Variants in VWC2L observed in about 807,000 individuals in gnomAD.
The protein encoded by VWC2L is von Willebrand factor C domain-containing protein 2-like.
In VWC2L, 10 loss-of-function variants were observed where a neutral mutation model predicts 21.6. The ratio of observed to expected loss-of-function variants is 0.46; its 90% CI spans 0.29 to 0.78. VWC2L has a LOEUF of 0.78. Among genes scored for constraint, VWC2L ranks in the 30% least tolerant of loss-of-function variants. VWC2L has a pLI of 0.10. For missense variants in VWC2L, 209 were observed against 277.1 expected (o/e 0.75, Z 1.74); for synonymous variants, 96 against 94.3 (o/e 1.02, Z -0.10).
At chr2:214,544,628 C>T (rs544531347) in intron 3 of VWC2L, among the ~76,000 whole-genome samples, 4 of 152,154 alleles carry the variant, frequency 2.6e-5, no homozygotes, top group South Asian at 2.1e-4. Context: ...TGAATAATGG[C>T]GAATGGCACA....
chr2:214,435,101 A>T (rs909609418), intron 2 of VWC2L, among the ~76,000 whole-genome samples: 3 of 152,196 alleles, frequency 2.0e-5, no homozygotes, highest in African/African-American at 7.2e-5. Flanking sequence ...TATCACGATG[A>T]GGTTTGCAAA....
intron 2 of VWC2L, chr2:214,436,330 C>T (rs1702678482): frequency 4.2e-6 from 1 of 239,458 alleles, no homozygotes; most frequent in African/African-American, 2.2e-5. Flanking sequence ...GGAAAACAAA[C>T]CAGGAGATGA....
intron 3 of VWC2L, among the ~76,000 whole-genome samples, chr2:214,573,939 G>A (rs1304060957): frequency 6.6e-5 from 10 of 152,132 alleles, no homozygotes; most frequent in Admixed American, 6.5e-5. Flanking sequence ...TCAGGAATTC[G>A]AGACCAGTCT....
rs372568847 is a variant in VWC2L, at chr2:214,522,260, A to G, written c.521-53412A>G. ...CGTGGTGGCGGGAGCCTGTAGTCCCAGCTACTCCGGAGGGTGACGCAGGAG... is the reference window on the plus strand; with the variant it reads ...CGTGGTGGCGGGAGCCTGTAGTCCCGGCTACTCCGGAGGGTGACGCAGGAG... On this transcript the variant is annotated intron_variant, in intron 3 of 3. Coordinates refer to ENST00000312504, the MANE Select transcript of VWC2L (RefSeq NM_001080500.4). Among the ~76,000 whole-genome samples, 6 of 151,604 alleles carry G rather than the reference A, an allele frequency of 4.0e-5. No homozygotes were observed. In the East Asian group the frequency reaches 7.8e-4, roughly 20 times the overall value.
At chr2:214,560,644 T>C (rs1479310668) in intron 3 of VWC2L, among the ~76,000 whole-genome samples, 1 of 152,216 alleles carries the variant, frequency 6.6e-6, no homozygotes, top group East Asian at 1.9e-4. Flanking sequence ...TGAGTAACAC[T>C]ATTTTTTTAA....
chr2:214,486,793 T>G (rs1237008613), intron 3 of VWC2L, among the ~76,000 whole-genome samples: 2 of 152,226 alleles, frequency 1.3e-5, no homozygotes. Flanking sequence ...TAAGCAGGAC[T>G]CATTTGATAT....
At chr2:214,506,967 T>C (rs1369078913) in intron 3 of VWC2L, among the ~76,000 whole-genome samples, 8 of 35,880 alleles carry the variant, frequency 2.2e-4, no homozygotes, top group African/African-American at 2.9e-4. Flanking sequence ...TTACTGAAAA[T>C]TTTCTAATTT....
At chr2:214,456,533 G>GTTGATTGTA (rs1251405957) in intron 3 of VWC2L, among the ~76,000 whole-genome samples, 2 of 152,008 alleles carry the variant, frequency 1.3e-5, no homozygotes, top group Admixed American at 6.5e-5. Flanking sequence ...TCTTTACTCT[G>GTTGATTGTA]TTGATTGTAT....
At position 214,558,954 on chromosome 2, in the gene VWC2L, C is replaced by A. The variant is rs377319767; in HGVS notation, c.521-16718C>A. On this transcript the variant is annotated intron_variant, in intron 3 of 3. Coordinates refer to ENST00000312504, the MANE Select transcript of VWC2L (RefSeq NM_001080500.4). The stretch of plus-strand genomic sequence containing the variant: ...CTTACATATGTATACATGTGCCATG[C>A]TGGTGCACTGCACCCACTAACTCGT... 2.3e-4 allele frequency among the ~76,000 whole-genome samples: 35 copies of A among 151,816 alleles called. 1 individual carries two copies. The East Asian group carries it at 3.3e-3, about 14-fold the overall frequency.
intron 3 of VWC2L, among the ~76,000 whole-genome samples, chr2:214,508,940 T>C (rs1484026749): frequency 2.0e-5 from 3 of 152,088 alleles, no homozygotes; most frequent in African/African-American, 7.2e-5. Flanking sequence ...CCCTCCTCCT[T>C]TTCTTCCCTC....
chr2:214,466,733 T>G (rs760214925), intron 3 of VWC2L, among the ~76,000 whole-genome samples: 12 of 152,232 alleles, frequency 7.9e-5, no homozygotes, highest in Non-Finnish European at 1.6e-4. Context: ...ACATCTAGTG[T>G]AGTCACACTT....
intron 3 of VWC2L, among the ~76,000 whole-genome samples, chr2:214,503,667 A>G (rs765095022): frequency 2.6e-5 from 4 of 152,036 alleles, no homozygotes; most frequent in Non-Finnish European, 5.9e-5. Context: ...TTTGCTGAGC[A>G]ATTTAGGTAA....
At chr2:214,564,470 T>C (rs1056755182) in intron 3 of VWC2L, among the ~76,000 whole-genome samples, 33 of 76,404 alleles carry the variant, frequency 4.3e-4, no homozygotes, top group Non-Finnish European at 9.8e-4. Context: ...CAAAAATTGA[T>C]GTTTTTTTTT....
intron 3 of VWC2L, among the ~76,000 whole-genome samples, chr2:214,509,361 A>G (rs949695197): frequency 9.2e-5 from 14 of 152,184 alleles, no homozygotes; most frequent in African/African-American, 3.4e-4. Flanking sequence ...TATACTAGCT[A>G]TTATAACTCT....
At chr2:214,482,967 T>C (rs2126197723) in intron 3 of VWC2L, among the ~76,000 whole-genome samples, 1 of 152,286 alleles carries the variant, frequency 6.6e-6, no homozygotes, top group East Asian at 1.9e-4. Context: ...AACCCATTCC[T>C]GGTAGCAAAG....
chr2:214,442,254 C>A (rs962666769), intron 3 of VWC2L, among the ~76,000 whole-genome samples: 1 of 151,622 alleles, frequency 6.6e-6, no homozygotes, highest in East Asian at 1.9e-4. Flanking sequence ...TATGTGTATA[C>A]GAAAAAAGTT....
chr2:214,501,124 C>T (rs543491597), intron 3 of VWC2L, among the ~76,000 whole-genome samples: 10 of 152,132 alleles, frequency 6.6e-5, no homozygotes, highest in African/African-American at 1.2e-4. Flanking sequence ...TACTAAACCC[C>T]CAAATTATGC....
intron 3 of VWC2L, among the ~76,000 whole-genome samples, chr2:214,535,027 C>A (rs548261886): frequency 6.6e-5 from 10 of 151,818 alleles, no homozygotes; most frequent in African/African-American, 2.4e-4. Flanking sequence ...AACGGATAGG[C>A]GGAATGGAAT....
intron 3 of VWC2L, among the ~76,000 whole-genome samples, chr2:214,452,574 C>A (rs1316712585): frequency 1.3e-5 from 2 of 151,964 alleles, no homozygotes; most frequent in African/African-American, 2.4e-5. Flanking sequence ...TAAACAGAAG[C>A]CTTCGTATGG....
Sources: gnomAD v4.1 joint callset for allele counts (sites outside exome capture counted in the v4.1 genomes callset) on GRCh38, gnomAD v4.1.1 for gene constraint, MANE v1.5 for transcripts, NCBI Gene and HGNC (gene_info 2026-07-23, HGNC 2026-07-21) for gene names.